Variants in ASIC2 observed in about 807,000 individuals in gnomAD.
ASIC2 encodes the protein acid sensing ion channel subunit 2.
ASIC2 carries 25 observed loss-of-function variants against 57.3 expected under a neutral mutation model. The ratio of observed to expected loss-of-function variants is 0.44; its 90% CI spans 0.32 to 0.61. The LOEUF is 0.61. Ranked by LOEUF, ASIC2 falls within the 20% of genes least tolerant of loss-of-function variation. The probability of loss-of-function intolerance (pLI) is 0.06; values close to 1 mark genes in which losing one functional copy is unlikely to be tolerated. For synonymous variants in ASIC2, 319 were observed against 307.5 expected (o/e 1.04, Z -0.39); for missense variants, 641 against 738.1 (o/e 0.87, Z 1.52).
rs149819283 is a variant in ASIC2 at position 33,727,951 on chromosome 17, C to A, written c.555+428027G>T. ...ACTGAGCATCTTCTTTTCTTGGGCACCTTTGGGTTTAAAGCCTTTGCCCTC... is the reference window on the plus strand; with the variant it reads ...ACTGAGCATCTTCTTTTCTTGGGCAACTTTGGGTTTAAAGCCTTTGCCCTC... On this transcript the variant is annotated intron_variant, in intron 1 of 9. Coordinates refer to the ASIC2 transcript ENST00000359872. Among the ~76,000 whole-genome samples, 519 of 152,284 alleles carry A rather than the reference C, an allele frequency of 3.4e-3. 2 individuals are homozygous for A. The highest frequency in any genetic ancestry group is 0.012 in the African/African-American group (497 of 41,566).
chr17:34,124,545 T>TA (rs1259049758), intron 1 of ASIC2, among the ~76,000 whole-genome samples: 2 of 152,172 alleles, frequency 1.3e-5, no homozygotes, highest in Non-Finnish European at 2.9e-5. Flanking sequence ...TCATCCCACT[T>TA]ACAGTCAGTT....
intron 1 of ASIC2, among the ~76,000 whole-genome samples, chr17:33,678,096 T>C (rs1907883822): frequency 6.6e-6 from 1 of 152,160 alleles, no homozygotes; most frequent in South Asian, 2.1e-4. Flanking sequence ...GATCAGTCAG[T>C]AGCCATCAGC....
intron 1 of ASIC2, among the ~76,000 whole-genome samples, chr17:34,068,307 T>C (rs1227550793): frequency 1.3e-5 from 2 of 152,302 alleles, no homozygotes; most frequent in South Asian, 2.1e-4. Flanking sequence ...CTGCCTCGAC[T>C]TAGGGTTTTT....
At chr17:33,932,741 A>AAAAATATATATATATATATATATATAT (rs1555572867) in intron 1 of ASIC2, 1 of 58,708 alleles carries the variant, frequency 1.7e-5, no homozygotes, top group African/African-American at 6.8e-5. Context: ...AAAAAAAAAA[A>AAAAATATATATATATATATATATATAT]ATATATATAT....
At chr17:33,535,445 T>C (rs1338919834) in intron 1 of ASIC2, among the ~76,000 whole-genome samples, 1 of 151,974 alleles carries the variant, frequency 6.6e-6, no homozygotes, top group African/African-American at 2.4e-5. Flanking sequence ...GCTAAGGTTT[T>C]TTTTTGTATT....
chr17:33,363,426 CTG>C (rs1908686665), intron 1 of ASIC2, among the ~76,000 whole-genome samples: 2 of 152,240 alleles, frequency 1.3e-5, no homozygotes, highest in Non-Finnish European at 2.9e-5. Context: ...TAGAGAAAAA[CTG>C]AGATTTTATA....
At chr17:34,097,908 T>C (rs1910604690) in intron 1 of ASIC2, among the ~76,000 whole-genome samples, 1 of 152,156 alleles carries the variant, frequency 6.6e-6, no homozygotes, top group Non-Finnish European at 1.5e-5. Context: ...CAATATGTGG[T>C]GGACCTTTGC....
intron 1 of ASIC2, among the ~76,000 whole-genome samples, chr17:33,260,542 T>C (rs192798808): frequency 1.6e-4 from 24 of 152,334 alleles, no homozygotes; most frequent in African/African-American, 5.3e-4. Context: ...GGCCACACTA[T>C]GGATCGCTGC....
chr17:33,823,373 G>A (rs550058313), intron 1 of ASIC2, among the ~76,000 whole-genome samples: 6 of 152,282 alleles, frequency 3.9e-5, no homozygotes, highest in South Asian at 4.1e-4. Flanking sequence ...AGGTTTAAAC[G>A]CATAAAGTCA....
chr17:33,388,410 C>T (rs2141951053), intron 1 of ASIC2, among the ~76,000 whole-genome samples: 1 of 152,348 alleles, frequency 6.6e-6, no homozygotes, highest in African/African-American at 2.4e-5. Flanking sequence ...GCTGGCCACA[C>T]AGTTTTCACC....
At chr17:33,145,043 A>G (rs1346092679) in intron 1 of ASIC2, among the ~76,000 whole-genome samples, 1 of 152,218 alleles carries the variant, frequency 6.6e-6, no homozygotes, top group African/African-American at 2.4e-5. Flanking sequence ...GGTAGACTGG[A>G]GTTGCATTTC....
intron 1 of ASIC2, among the ~76,000 whole-genome samples, chr17:33,964,713 G>A (rs1422879892): frequency 6.6e-6 from 1 of 152,140 alleles, no homozygotes; most frequent in African/African-American, 2.4e-5. Flanking sequence ...TCAGATTGTT[G>A]CCAGAACTTT....
intron 1 of ASIC2, among the ~76,000 whole-genome samples, chr17:33,746,301 TG>T (rs1414116641): frequency 6.7e-6 from 1 of 150,214 alleles, no homozygotes; most frequent in Non-Finnish European, 1.5e-5. Flanking sequence ...TATACACGTA[TG>T]TATATACATG....
At chr17:33,034,100 G>A (rs941732284) in intron 3 of ASIC2, among the ~76,000 whole-genome samples, 1 of 152,122 alleles carries the variant, frequency 6.6e-6, no homozygotes, top group Middle Eastern at 3.2e-3. Context: ...CTGAGCACTC[G>A]ATGGGGTGAG....
chr17:33,028,623 C>T (rs765363371), intron 3 of ASIC2, among the ~76,000 whole-genome samples: 5 of 152,138 alleles, frequency 3.3e-5, no homozygotes, highest in African/African-American at 4.8e-5. Context: ...CTGGCTCAAG[C>T]GATCCTCCTG....
At chr17:33,651,820 AATCAGAC>A (rs1906929321) in intron 1 of ASIC2, among the ~76,000 whole-genome samples, 1 of 152,208 alleles carries the variant, frequency 6.6e-6, no homozygotes, top group Non-Finnish European at 1.5e-5. Flanking sequence ...CCTTCAAGCC[AATCAGAC>A]ATCAGAGAAA....
intron 1 of ASIC2, among the ~76,000 whole-genome samples, chr17:33,817,106 C>T (rs9902938): frequency 1.2e-4 from 18 of 152,234 alleles, no homozygotes; most frequent in South Asian, 6.2e-4. Context: ...AAGCCTGGCC[C>T]CCATGCCAGA....
intron 3 of ASIC2, among the ~76,000 whole-genome samples, chr17:33,044,087 C>A (rs1282646147): frequency 6.6e-6 from 1 of 152,102 alleles, no homozygotes; most frequent in Non-Finnish European, 1.5e-5. Flanking sequence ...AAGACTATAA[C>A]TTGACTCATT....
chr17:33,414,807 T>C (rs545520461), intron 1 of ASIC2, among the ~76,000 whole-genome samples: 11 of 152,336 alleles, frequency 7.2e-5, no homozygotes, highest in African/African-American at 2.4e-4. Flanking sequence ...ATGACATCTT[T>C]TAATGTTCCC....
Sources: allele counts gnomAD v4.1 joint callset (sites outside exome capture counted in the v4.1 genomes callset), GRCh38; gene constraint gnomAD v4.1.1; transcripts MANE v1.5; gene names NCBI Gene and HGNC (gene_info 2026-07-23, HGNC 2026-07-21).